Variants in TNRC6B observed in about 807,000 individuals in gnomAD.
TNRC6B encodes trinucleotide repeat containing adaptor 6B.
A neutral mutation model predicts 203.6 loss-of-function variants in TNRC6B; 52 were observed. That is an observed-to-expected ratio of 0.26 (90% confidence interval 0.20 to 0.32). The LOEUF is 0.32. Among genes scored for constraint, TNRC6B ranks in the 10% least tolerant of loss-of-function variants. The probability of loss-of-function intolerance (pLI) is 1.00; values close to 1 mark genes in which losing one functional copy is unlikely to be tolerated. For synonymous variants in TNRC6B, 838 were observed against 845.7 expected (o/e 0.99, Z 0.16); for missense variants, 1,923 against 2,286.2 (o/e 0.84, Z 3.24).
chr22:40,301,392 A>G, intron 15 of TNRC6B, 59 bp downstream of exon 15: 1 of 1,547,706 alleles, frequency 6.5e-7, no homozygotes. Context: ...GGCCTGTGGT[A>G]GGGGTTGCAC....
In TNRC6B at chr22:40,266,363, A is replaced by C. The variant is rs1569045432; in HGVS notation, c.2133A>C (p.Gly711=). 4 of 1,612,148 alleles carry C rather than the reference A, an allele frequency of 2.5e-6. No homozygotes were observed. The East Asian group carries it at 8.9e-5, about 36-fold the overall frequency. The change falls in exon 5 of 23, where the codon GGA becomes GGC. Residue 711 remains glycine (G), a synonymous_variant. Coordinates refer to ENST00000454349, the MANE Select transcript of TNRC6B (RefSeq NM_001162501.2). ...ACAACAACTCTTCCAACTGGGGAGG[A>C]GGACGACCTGATGAAAAGACACCTT... ...YKNNNSSNWG[G]GRPDEKTPSS... is the part of the protein sequence containing the mutation.
rs2043996830 is a variant in TNRC6B, at chr22:40,332,784, C to T, written c.*9543C>T. 6.6e-6 allele frequency: 1 copy of T among 152,664 alleles called. No homozygotes were observed. Among genetic ancestry groups the T allele is most frequent in the South Asian group, 2.1e-4 (1 of 4,830 alleles). The allele number at this position is 152,664 out of a possible 1,614,324, so 9.5% of individuals were successfully genotyped here. On this transcript the variant is annotated 3_prime_UTR_variant, in exon 23 of 23. Coordinates refer to ENST00000454349, the MANE Select transcript of TNRC6B (RefSeq NM_001162501.2). ...TTAACTCCTCTCTCCTTTCTGACAT[C>T]AGTGGATTATCCTTTTTAAAATATG... is the stretch of plus-strand genomic sequence containing the variant.
intron 4 of TNRC6B, among the ~76,000 whole-genome samples, chr22:40,165,076 C>T (rs970279246): frequency 2.6e-5 from 4 of 151,098 alleles, no homozygotes; most frequent in African/African-American, 7.3e-5. Context: ...GCCACCGCAC[C>T]CACCCCTCCC....
chr22:40,201,101 G>T (rs2069406669), intron 1 of TNRC6B, among the ~76,000 whole-genome samples: 1 of 152,316 alleles, frequency 6.6e-6, no homozygotes, highest in Non-Finnish European at 1.5e-5. Flanking sequence ...CTGGTAAATG[G>T]TAGCTCCCAC....
intron 3 of TNRC6B, among the ~76,000 whole-genome samples, chr22:40,253,959 A>G (rs1003021377): frequency 6.6e-6 from 1 of 152,180 alleles, no homozygotes; most frequent in Admixed American, 6.5e-5. Flanking sequence ...CAAAGAAAAG[A>G]CTGTTGGTGC....
intron 1 of TNRC6B, among the ~76,000 whole-genome samples, chr22:40,229,146 T>C (rs2069832886): frequency 1.3e-5 from 2 of 152,230 alleles, no homozygotes; most frequent in African/African-American, 2.4e-5. Flanking sequence ...GCTGGTAGTT[T>C]ACAGCACTCC....
At chr22:40,048,831 T>C (rs2067718383) in intron 1 of TNRC6B, among the ~76,000 whole-genome samples, 1 of 151,948 alleles carries the variant, frequency 6.6e-6, no homozygotes, top group Non-Finnish European at 1.5e-5. Flanking sequence ...TCCTTCCTTC[T>C]ATCCATCCAT....
chr22:40,189,878 C>T (rs117771237), intron 1 of TNRC6B, among the ~76,000 whole-genome samples: 1 of 151,994 alleles, frequency 6.6e-6, no homozygotes, highest in Non-Finnish European at 1.5e-5. Flanking sequence ...TTGAAACTTA[C>T]CATTTGTTAC....
At chr22:40,100,623 C>T (rs898861548) in intron 1 of TNRC6B, among the ~76,000 whole-genome samples, 2 of 152,104 alleles carry the variant, frequency 1.3e-5, no homozygotes, top group Admixed American at 6.6e-5. Flanking sequence ...TAGCCTCAGG[C>T]GATTCTCCCG....
At chr22:40,272,854 AT>A (rs1425999803) in intron 6 of TNRC6B, among the ~76,000 whole-genome samples, 1 of 152,124 alleles carries the variant, frequency 6.6e-6, no homozygotes, top group Non-Finnish European at 1.5e-5. Context: ...TACATTTTAG[AT>A]TTCCATGGCT....
chr22:40,088,072 C>T lies in TNRC6B; in HGVS notation c.-120-28983C>T, dbSNP rs138860648. Among the ~76,000 whole-genome samples the T allele has an allele frequency of 4.2e-4, 64 of 152,258 alleles. 1 individual carries two copies. Among genetic ancestry groups the T allele is most frequent in the African/African-American group, 1.4e-3 (59 of 41,554 alleles). ...AAGAGTGAAAGAAACTTTTAATAAA[C>T]GGAATTATTTTTGGCTAATCTTCAG... is the stretch of plus-strand genomic sequence containing the variant. On this transcript the variant is annotated intron_variant, in intron 1 of 23. Transcript: ENST00000301923.
At chr22:40,319,115 AT>A (rs1160304609) in intron 21 of TNRC6B, among the ~76,000 whole-genome samples, 1 of 152,146 alleles carries the variant, frequency 6.6e-6, no homozygotes, top group African/African-American at 2.4e-5. Context: ...TATAAAATGA[AT>A]ATGGGGGTGG....
At chr22:40,300,762 T>A (rs1184529120) in intron 13 of TNRC6B, 148 bp from the exon 14 acceptor site, 2 of 1,222,184 alleles carry the variant, frequency 1.6e-6, no homozygotes, top group South Asian at 1.6e-5. Flanking sequence ...GAGGAAAATG[T>A]AACCAAGAGA....
At chr22:40,227,276 T>C (rs2069801897) in intron 1 of TNRC6B, among the ~76,000 whole-genome samples, 2 of 150,128 alleles carry the variant, frequency 1.3e-5, no homozygotes, top group African/African-American at 4.9e-5. Context: ...TTGCCCAGGC[T>C]GGGTGCAAAC....
intron 1 of TNRC6B, among the ~76,000 whole-genome samples, chr22:40,238,478 A>G (rs1430231298): frequency 6.6e-6 from 1 of 152,048 alleles, no homozygotes; most frequent in Non-Finnish European, 1.5e-5. Flanking sequence ...CCCGCCCCCA[A>G]CCACCGAATC....
chr22:40,212,913 G>A (rs1312331190), intron 1 of TNRC6B, among the ~76,000 whole-genome samples: 1 of 152,196 alleles, frequency 6.6e-6, no homozygotes, highest in Non-Finnish European at 1.5e-5. Context: ...GCCTCCCAAA[G>A]TGCTGGGATT....
At chr22:40,136,881 C>G (rs2068604521) in intron 3 of TNRC6B, among the ~76,000 whole-genome samples, 1 of 152,072 alleles carries the variant, frequency 6.6e-6, no homozygotes, top group Non-Finnish European at 1.5e-5. Flanking sequence ...TCAAAGGCAG[C>G]AAGTAAACGT....
intron 1 of TNRC6B, among the ~76,000 whole-genome samples, chr22:40,070,260 A>G (rs1020953198): frequency 6.6e-6 from 1 of 152,102 alleles, no homozygotes; most frequent in Non-Finnish European, 1.5e-5. Flanking sequence ...CTGTTCTATT[A>G]CTTGACTTTT....
intron 1 of TNRC6B, among the ~76,000 whole-genome samples, chr22:40,093,511 T>C (rs2068164987): frequency 6.6e-6 from 1 of 152,208 alleles, no homozygotes; most frequent in Non-Finnish European, 1.5e-5. Context: ...TTCAAGATCC[T>C]AGTACAGTCC....
Sources: gnomAD v4.1 joint callset for allele counts (sites outside exome capture counted in the v4.1 genomes callset) on GRCh38, gnomAD v4.1.1 for gene constraint, MANE v1.5 for transcripts, NCBI Gene and HGNC (gene_info 2026-07-23, HGNC 2026-07-21) for gene names.